Variants in SYN1 observed in about 807,000 individuals in gnomAD.
The protein encoded by SYN1 is synapsin I.
Under a neutral mutation model 44.6 loss-of-function variants are expected in SYN1, and 8 were observed. That is an observed-to-expected ratio of 0.18 (90% CI 0.11 to 0.32). The LOEUF is 0.32. SYN1 is among the 10% of genes least tolerant of loss of function. SYN1 has a pLI of 1.00. For missense variants in SYN1, 451 were observed against 639.4 expected (o/e 0.71, Z 3.18); for synonymous variants, 275 against 280.1 (o/e 0.98, Z 0.18).
At chrX:47,607,257 A>G (rs2057900781) in intron 1 of SYN1, 59 bp from the exon 2 acceptor site, 1 of 1,103,969 alleles carries the variant, frequency 9.1e-7, no homozygotes, top group Non-Finnish European at 1.3e-6. Flanking sequence ...AAGACAAAAC[A>G]CAGGCCCTTG....
intron 6 of SYN1, among the ~76,000 whole-genome samples, chrX:47,576,951 A>G (rs894494404): frequency 3.6e-5 from 4 of 111,797 alleles, no homozygotes; most frequent in Non-Finnish European, 7.5e-5. Flanking sequence ...TGTATGTACA[A>G]TATACTAATA....
chrX:47,608,273 A>AGG (rs1294161694), intron 1 of SYN1, among the ~76,000 whole-genome samples: 2 of 26,209 alleles, frequency 7.6e-5, no homozygotes, highest in African/African-American at 1.2e-4. Context: ...GAAGGAAGGA[A>AGG]GGAAGGAAGG....
chrX:47,587,620 C>T (rs977194586), intron 5 of SYN1: 1 of 112,524 alleles, frequency 8.9e-6, no homozygotes, highest in African/African-American at 3.3e-5. Context: ...CTCCCTCAAC[C>T]CAACTGTCCC....
At chrX:47,601,231 A>G (rs970609774) in intron 5 of SYN1, among the ~76,000 whole-genome samples, 5 of 111,797 alleles carry the variant, frequency 4.5e-5, no homozygotes, top group African/African-American at 1.6e-4. Context: ...GTATTATAAG[A>G]GAGTATAAGA....
chrX:47,578,881 C>T (rs758983783), intron 5 of SYN1, among the ~76,000 whole-genome samples: 2 of 111,559 alleles, frequency 1.8e-5, no homozygotes, highest in African/African-American at 3.3e-5. Flanking sequence ...TGCACACCCC[C>T]CCTTCCTCAT....
chrX:47,578,388 G>C (rs1463132758), intron 5 of SYN1, among the ~76,000 whole-genome samples: 1 of 111,268 alleles, frequency 9.0e-6, no homozygotes, highest in Non-Finnish European at 1.9e-5. Context: ...ACAACACACA[G>C]AGGTGTATGC....
intron 1 of SYN1, among the ~76,000 whole-genome samples, chrX:47,615,054 A>G (rs2057927553): frequency 9.0e-6 from 1 of 111,606 alleles, no homozygotes; most frequent in Non-Finnish European, 1.9e-5. Flanking sequence ...TTCCAGGGAA[A>G]TATATCTGAG....
chrX:47,584,930 C>T, intron 5 of SYN1: 2 of 1,208,689 alleles, frequency 1.7e-6, no homozygotes, highest in Non-Finnish European at 2.2e-6. Flanking sequence ...CCCTCCTCTC[C>T]TGCAGTCATC....
rs1316765777 is a variant in SYN1 at position 47,580,591 on chromosome X, A to G, written c.775-3090T>C. 3.8e-5 allele frequency among the ~76,000 whole-genome samples: 4 copies of G among 105,722 alleles called. No homozygotes were observed. The East Asian group carries it at 1.2e-3, about 32-fold the overall frequency. The allele number at this position is 105,722 out of a possible 115,157, so 91.8% of individuals were successfully genotyped here. ...GGTTGCAGTGAGCCAAGATCTTGCC[A>G]TTGCACTCCAGCCTGGGAAACAAGA... is the stretch of plus-strand genomic sequence containing the variant. On this transcript the variant is annotated intron_variant, in intron 5 of 12. Coordinates refer to ENST00000295987, the MANE Select transcript of SYN1 (RefSeq NM_006950.3).
chrX:47,586,772 A>T (rs1283455344), intron 5 of SYN1: 2 of 1,092,752 alleles, frequency 1.8e-6, no homozygotes, highest in Non-Finnish European at 2.5e-6. Context: ...CAATGAAATA[A>T]AGAGTTACCA....
At chrX:47,576,759 G>A in intron 6 of SYN1, 119 bp from the exon 7 acceptor site, 1 of 962,391 alleles carries the variant, frequency 1.0e-6, no homozygotes, top group South Asian at 2.0e-5. Flanking sequence ...CAAAAATTAG[G>A]TGGACATGCC....
At chrX:47,581,569 G>A (rs1486907689) in intron 5 of SYN1, among the ~76,000 whole-genome samples, 1 of 112,063 alleles carries the variant, frequency 8.9e-6, no homozygotes, top group Non-Finnish European at 1.9e-5. Flanking sequence ...CCACTCCTGA[G>A]TTACAACCCT....
At chrX:47,608,886 GACACACACACACAC>G (rs34092010) in intron 1 of SYN1, among the ~76,000 whole-genome samples, 5 of 89,540 alleles carry the variant, frequency 5.6e-5, no homozygotes, top group African/African-American at 1.3e-4. Flanking sequence ...GTCTTGGACA[GACACACACACACAC>G]ACACACACAC....
intron 1 of SYN1, among the ~76,000 whole-genome samples, chrX:47,609,744 C>T (rs746854115): frequency 3.8e-4 from 43 of 111,785 alleles, no homozygotes; most frequent in Non-Finnish European, 7.9e-4. Flanking sequence ...TGCAGCAGGT[C>T]CGGGCTGTGG....
At chrX:47,616,603 G>A (rs1414570328) in intron 1 of SYN1, among the ~76,000 whole-genome samples, 1 of 111,835 alleles carries the variant, frequency 8.9e-6, no homozygotes, top group Non-Finnish European at 1.9e-5. Flanking sequence ...AAGATAACAC[G>A]TTGGTGAGTG....
At chrX:47,601,529 G>A (rs932113941) in intron 5 of SYN1, among the ~76,000 whole-genome samples, 3 of 111,803 alleles carry the variant, frequency 2.7e-5, no homozygotes, top group Non-Finnish European at 5.6e-5. Context: ...GGCCAAAGCA[G>A]GAGGATCGCT....
chrX:47,574,898 A>C, intron 10 of SYN1, 123 bp from the exon 11 acceptor site: 1 of 766,742 alleles, frequency 1.3e-6, no homozygotes, highest in Non-Finnish European at 1.9e-6. Flanking sequence ...AGCTGAGGGT[A>C]CTCTGGGTTG....
At chrX:47,607,935 C>T (rs1481512212) in intron 1 of SYN1, among the ~76,000 whole-genome samples, 1 of 110,681 alleles carries the variant, frequency 9.0e-6, no homozygotes, top group African/African-American at 3.3e-5. Context: ...GAGGCTGAGG[C>T]AGGAGAATCA....
chrX:47,612,740 G>A (rs923897040), intron 1 of SYN1, among the ~76,000 whole-genome samples: 1 of 111,905 alleles, frequency 8.9e-6, no homozygotes, highest in Non-Finnish European at 1.9e-5. Context: ...TAAATGGTTT[G>A]GCTGGTTGGT....
Sources: gnomAD v4.1 joint callset for allele counts (sites outside exome capture counted in the v4.1 genomes callset) on GRCh38, gnomAD v4.1.1 for gene constraint, MANE v1.5 for transcripts, NCBI Gene and HGNC (gene_info 2026-07-23, HGNC 2026-07-21) for gene names.